The following BAIAP3 variants were observed in gnomAD, a reference collection of about 807,000 sequenced individuals.
BAIAP3 encodes BAI1-associated protein 3.
BAIAP3 carries 180 observed loss-of-function variants against 149.7 expected under a neutral mutation model. The ratio of observed to expected loss-of-function variants is 1.20; its 90% CI spans 1.07 to 1.36. The LOEUF (loss-of-function observed/expected upper bound fraction) is 1.36, where lower values mean the gene tolerates loss of function less well. Ranked by LOEUF, BAIAP3 falls within the 40% of genes most tolerant of loss-of-function variation. BAIAP3 has a pLI of 0.00. For synonymous variants in BAIAP3, 845 were observed against 670.7 expected (o/e 1.26, Z -4.02); for missense variants, 1,767 against 1,563.4 (o/e 1.13, Z -2.20).
At position 1,342,581 on chromosome 16, in the gene BAIAP3, G is replaced by A; in HGVS notation, c.1012G>A (p.Ala338Thr). ...RWFKLEPRSS[A>T]SRVQGHCHLV... ...GTTCAAGCTGGAGCCACGCTCCAGT[G>A]CCTCGCGTGTGCAGGGACACTGCCA... is the stretch of plus-strand genomic sequence containing the variant. The change falls in exon 12 of 34, where the codon GCC becomes ACC. Residue 338 changes from alanine to threonine, a missense_variant. Coordinates refer to ENST00000426824, the MANE Select transcript of BAIAP3 (RefSeq NM_001199097.2). 1 of 1,563,128 alleles carries A rather than the reference G, an allele frequency of 6.4e-7. No individual in the cohort carries two copies. Among genetic ancestry groups the A allele is most frequent in the Non-Finnish European group, 8.7e-7 (1 of 1,154,670 alleles).
Position 1,349,370 on chromosome 16 carries a change from A to T in BAIAP3, c.*888A>T. Reference sequence around the variant, plus strand: ...GCAAAGAGCCGAGGCTGCCAGGCCCATTTATGTCCCTCATGTCTCTAGATT... The same window carrying T: ...GCAAAGAGCCGAGGCTGCCAGGCCCTTTTATGTCCCTCATGTCTCTAGATT... On this transcript the variant is annotated 3_prime_UTR_variant, in exon 34 of 34. Transcript: ENST00000426824. 1 of 1,587,976 alleles carries T rather than the reference A, an allele frequency of 6.3e-7. No individual in the cohort carries two copies. Among genetic ancestry groups the T allele is most frequent in the Non-Finnish European group, 8.6e-7 (1 of 1,157,312 alleles).
At chr16:1,334,029 C>G (rs2033296418) in intron 1 of BAIAP3, among the ~76,000 whole-genome samples, 1 of 151,676 alleles carries the variant, frequency 6.6e-6, no homozygotes, top group African/African-American at 2.4e-5. Context: ...GCGGAGCGGA[C>G]GGGGAGGGTA....
In BAIAP3 at chr16:1,345,327, G is replaced by C; in HGVS notation, c.2019G>C (p.Arg673Ser). 1 of 1,613,042 alleles carries C rather than the reference G, an allele frequency of 6.2e-7. No homozygotes were observed. Among genetic ancestry groups the C allele is most frequent in the Non-Finnish European group, 8.5e-7 (1 of 1,179,900 alleles). The part of the protein sequence containing the change: ...PAVKLWFQVL[R>S]DQAKWRLQGA... ...TGAAGCTCTGGTTCCAAGTGCTGAG[G>C]GACCAGGCCAAGTGGAGGCTTCAGG... The change falls in exon 22 of 34, where the codon AGG (arginine) becomes AGC (serine). Residue 673 changes from arginine to serine, a missense_variant. Arg to Ser is a moderately radical substitution (Grantham distance 110). Coordinates refer to ENST00000426824, the MANE Select transcript of BAIAP3 (RefSeq NM_001199097.2).
chr16:1,342,389 C>A, intron 11 of BAIAP3, 106 bp downstream of exon 11: 1 of 1,401,362 alleles, frequency 7.1e-7, no homozygotes, highest in African/African-American at 1.4e-5. Flanking sequence ...GCTTTTGGGC[C>A]TCCACTGAGT....
chr16:1,343,631 G>A (rs2034091091), intron 15 of BAIAP3, 118 bp downstream of exon 15: 3 of 1,436,176 alleles, frequency 2.1e-6, no homozygotes, highest in Non-Finnish European at 2.8e-6. Context: ...AAAGACAAAT[G>A]GACAAACTGT....
At chr16:1,335,614 G>A (rs1054438727) in intron 1 of BAIAP3, among the ~76,000 whole-genome samples, 1 of 152,200 alleles carries the variant, frequency 6.6e-6, no homozygotes, top group African/African-American at 2.4e-5. Context: ...CAGGGCCCAC[G>A]CAGTTGGCTG....
rs374573992 is a variant in BAIAP3 at position 1,344,922 on chromosome 16, C to G, written c.1810-47C>G. The stretch of plus-strand genomic sequence containing the variant: ...GGCAGATGCCCTTGGCTAGGACGGT[C>G]CTGGGATTCCTTGCTGCTGGAGGCC... On this transcript the variant is annotated intron_variant, in intron 20 of 33. Transcript: ENST00000426824. The G allele has an allele frequency of 1.0e-4, 164 of 1,613,384 alleles. 1 individual carries two copies. Among genetic ancestry groups the G allele is most frequent in the Non-Finnish European group, 1.3e-4 (157 of 1,179,932 alleles).
Position 1,347,970 on chromosome 16 carries a change from G to T in BAIAP3, c.3102G>T (p.Gln1034His), listed in dbSNP as rs766392805. The T allele has an allele frequency of 2.5e-6, 4 of 1,611,688 alleles. No individual in the cohort carries two copies. The highest frequency in any genetic ancestry group is 3.4e-6 in the Non-Finnish European group (4 of 1,179,962). The change falls in exon 32 of 34, where the codon CAG becomes CAT. Residue 1034 changes from glutamine (Q) to histidine (H), a missense_variant. By Grantham distance (24) the Gln-to-His change is conservative (BLOSUM62 0). Transcript: ENST00000426824. ...LFPLVRSQRT[Q>H]VKTRTLHPVY... The stretch of plus-strand genomic sequence containing the variant: ...CACTGGTCCGCAGCCAGAGGACCCA[G>T]GTGAAGACCCGGACGCTGCACCCTG...
chr16:1,343,273 T>C, intron 14 of BAIAP3, 120 bp from the exon 15 acceptor site: 2 of 1,419,866 alleles, frequency 1.4e-6, no homozygotes, highest in South Asian at 2.7e-5. Flanking sequence ...GGCAGTGCTA[T>C]GAGTAGGCGC....
At chr16:1,336,405 T>C in intron 1 of BAIAP3, 1 of 982,630 alleles carries the variant, frequency 1.0e-6, no homozygotes, top group Non-Finnish European at 1.2e-6. Context: ...AGGAGGTGAG[T>C]CCCCCCCGCA....
rs2034583187 is a variant in BAIAP3 at position 1,349,111 on chromosome 16, C to T, written c.*629C>T. On this transcript the variant is annotated 3_prime_UTR_variant, in exon 34 of 34. Coordinates refer to ENST00000426824, the MANE Select transcript of BAIAP3 (RefSeq NM_001199097.2). ...GTCAGTGTGAAGGGCTCCGTGCCAA[C>T]TGGTCAGCTGTCCTTCACGCACATA... The T allele has an allele frequency of 3.1e-5, 12 of 391,654 alleles. No individual in the cohort carries two copies. Among genetic ancestry groups the T allele is most frequent in the Admixed American group, 1.3e-4 (3 of 23,386 alleles). The allele number at this position is 391,654 out of a possible 1,614,324, so 24.3% of individuals were successfully genotyped here. A position where few individuals can be genotyped will look rare whatever the true frequency, so the allele number is the denominator to read the frequency against.
rs1306133036 is a variant in BAIAP3 at position 1,345,366 on chromosome 16, G to T, written c.2058G>T (p.Met686Ile). The stretch of plus-strand genomic sequence containing the variant: ...GGAGGCTTCAGGGAGCCGTGGACAT[G>T]GACACGGTGACAGCTGCCCTGGCCT... ...AKWRLQGAVD[M>I]DTLEPVDASS... is the part of the protein sequence containing the mutation. Residue 686 changes from methionine (M) to isoleucine (I), a missense_variant, in exon 22 of 34, where the codon ATG becomes ATT. Met to Ile is a conservative substitution (Grantham distance 10, BLOSUM62 1). Transcript: ENST00000426824. 6.2e-7 allele frequency: 1 copy of T among 1,612,044 alleles called. No individual in the cohort carries two copies. Among genetic ancestry groups the T allele is most frequent in the Non-Finnish European group, 8.5e-7 (1 of 1,179,534 alleles).
In BAIAP3 at chr16:1,347,825, A is replaced by G. The variant is rs1020106156; in HGVS notation, c.3025+4A>G. 1.3e-6 allele frequency: 2 copies of G among 1,570,592 alleles called. No individual in the cohort carries two copies. Among genetic ancestry groups the G allele is most frequent in the African/African-American group, 2.7e-5 (2 of 72,876 alleles). The stretch of plus-strand genomic sequence containing the variant: ...CTGCTCCCCCTGGACGCCAACGGTG[A>G]GTTGCAGCGGGGACGGGTCGGGTGG... On this transcript the variant is annotated splice_donor_region_variant and intron_variant, in intron 31 of 33. Transcript: ENST00000426824.
intron 1 of BAIAP3, among the ~76,000 whole-genome samples, chr16:1,337,581 G>T (rs1287907209): frequency 6.6e-6 from 1 of 152,216 alleles, no homozygotes; most frequent in Non-Finnish European, 1.5e-5. Flanking sequence ...CAAAAAGTGG[G>T]TGGGGCCTTC....
In BAIAP3 at chr16:1,346,044, A is replaced by C. The variant is rs900054924; in HGVS notation, c.2267A>C (p.Gln756Pro). 1 of 1,611,728 alleles carries C rather than the reference A, an allele frequency of 6.2e-7. No homozygotes were observed. The highest frequency in any genetic ancestry group is 8.5e-7 in the Non-Finnish European group (1 of 1,179,586). The part of the protein sequence containing the change: ...TELLRKKVDT[Q>P]PGAAGEAVSE... ...CTGCTTCGGAAGAAGGTGGACACTC[A>C]GCCAGGGGCGGCCGGTGAAGCAGTG... The change falls in exon 24 of 34, where the codon CAG becomes CCG. Residue 756 changes from glutamine to proline, a missense_variant. Transcript: ENST00000426824.
chr16:1,347,023 TC>T lies in BAIAP3; in HGVS notation c.2751+72del, dbSNP rs376479789. 1.2e-4 allele frequency: 175 copies of T among 1,415,194 alleles called. No homozygotes were observed. In the East Asian group the frequency reaches 3.7e-3, roughly 30 times the overall value. The allele number at this position is 1,415,194 out of a possible 1,614,324, so 87.7% of individuals were successfully genotyped here. ...AGGGCTGCTCTGATCCCTCCCTTTGTCCCCACTGGCCTGCCTGGTCTCCTGT... is the reference window on the plus strand; with the variant it reads ...AGGGCTGCTCTGATCCCTCCCTTTGTCCCACTGGCCTGCCTGGTCTCCTGT... On this transcript the variant is annotated intron_variant, in intron 28 of 33. Coordinates refer to ENST00000426824, the MANE Select transcript of BAIAP3 (RefSeq NM_001199097.2).
At position 1,348,606 on chromosome 16, in the gene BAIAP3, T is replaced by C. The variant is rs1321667650; in HGVS notation, c.*124T>C. 1 of 971,240 alleles carries C rather than the reference T, an allele frequency of 1.0e-6. No homozygotes were observed. The highest frequency in any genetic ancestry group is 1.6e-5 in the African/African-American group (1 of 61,248). 60.2% of individuals were successfully genotyped at this position (971,240 alleles called of 1,614,324 possible). ...CGCCCCTCCTGTGCTGTGACGTGTGTGTCGTGGCTGGCCCCGCGGCGCCTA... is the reference window on the plus strand; with the variant it reads ...CGCCCCTCCTGTGCTGTGACGTGTGCGTCGTGGCTGGCCCCGCGGCGCCTA... On this transcript the variant is annotated 3_prime_UTR_variant, in exon 34 of 34. Transcript: ENST00000426824.
rs201639215 is a variant in BAIAP3 at position 1,347,595 on chromosome 16, C to G, written c.2874C>G (p.Ile958Met). 2.5e-6 allele frequency: 4 copies of G among 1,612,820 alleles called. No individual in the cohort carries two copies. The highest frequency in any genetic ancestry group is 2.2e-5 in the South Asian group (2 of 91,072). The change falls in exon 30 of 34, where the codon ATC (isoleucine) becomes ATG (methionine). Residue 958 changes from isoleucine (I) to methionine (M), a missense_variant. Transcript: ENST00000426824. ...ACAAATGTTCCACCCGCGAGTGCAT[C>G]GAGCAGTTCTACCTGGACAAGCTCA... is the stretch of plus-strand genomic sequence containing the variant. ...RLHKCSTREC[I>M]EQFYLDKLKQ...
rs1567172484 is a variant in BAIAP3, at chr16:1,346,843, G to A, written c.2643-4G>A. 15 of 1,591,084 alleles carry A rather than the reference G, an allele frequency of 9.4e-6. No homozygotes were observed. Among genetic ancestry groups the A allele is most frequent in the Non-Finnish European group, 1.3e-5 (15 of 1,171,750 alleles). ...GGCCCGTGGTCACTGATGCTGCCCT[G>A]CAGGGTGCTGGAGGCCCTGTGGGAG... On this transcript the variant is annotated splice_polypyrimidine_tract_variant and splice_region_variant and intron_variant, in intron 27 of 33. Transcript: ENST00000426824.
Sources: allele counts gnomAD v4.1 joint callset (sites outside exome capture counted in the v4.1 genomes callset), GRCh38; gene constraint gnomAD v4.1.1; transcripts MANE v1.5; gene names NCBI Gene and HGNC (gene_info 2026-07-23, HGNC 2026-07-21).